The following BLTP1 variants were observed in gnomAD, a reference collection of about 807,000 sequenced individuals.
BLTP1 encodes the protein fragile site-associated protein.
the BLTP1 span, chr4:122,270,946 A>C: frequency 2.7e-6 from 4 of 1,461,774 alleles, no homozygotes; most frequent in African/African-American, 4.3e-5. Flanking sequence ...TTTTGCCTAT[A>C]AATTAATAAA....
the BLTP1 span, chr4:122,331,706 T>C: frequency 1.0e-5 from 10 of 979,586 alleles, no homozygotes; most frequent in African/African-American, 1.4e-4. Context: ...CAGTTTCTTA[T>C]AAACAAGTGC....
the BLTP1 span, among the ~76,000 whole-genome samples, chr4:122,275,331 G>A: frequency 6.6e-6 from 1 of 152,076 alleles, no homozygotes; most frequent in African/African-American, 2.4e-5. Flanking sequence ...ATAAATTGAG[G>A]TTCAGAAAGA....
the BLTP1 span, among the ~76,000 whole-genome samples, chr4:122,221,566 CT>C: frequency 6.6e-6 from 1 of 151,940 alleles, no homozygotes; most frequent in Non-Finnish European, 1.5e-5. Flanking sequence ...AGTTCTAGGT[CT>C]TCTTATCATG....
At chr4:122,183,114 T>C in the BLTP1 span, 1 of 718,358 alleles carries the variant, frequency 1.4e-6, no homozygotes, top group Non-Finnish European at 1.7e-6. Flanking sequence ...AGTGGGAGGA[T>C]TGCTTGAGCC....
the BLTP1 span, chr4:122,259,734 C>T: frequency 6.5e-6 from 1 of 153,184 alleles, no homozygotes; most frequent in South Asian, 2.1e-4. Context: ...GTGGCAGGCG[C>T]CTGTAATCCC....
the BLTP1 span, among the ~76,000 whole-genome samples, chr4:122,360,414 GT>G: frequency 2.0e-5 from 3 of 151,598 alleles, no homozygotes; most frequent in East Asian, 1.9e-4. Flanking sequence ...CAGCCTTCCT[GT>G]TTTTTTTCCT....
chr4:122,280,029 A>G, the BLTP1 span: 2 of 1,610,426 alleles, frequency 1.2e-6, no homozygotes. Flanking sequence ...ATACTACCTC[A>G]GGGTATTCTT....
chr4:122,359,906 A>T, the BLTP1 span: 3 of 985,404 alleles, frequency 3.0e-6, no homozygotes, highest in Non-Finnish European at 3.6e-6. Flanking sequence ...GGTAAGGCGA[A>T]TGAAGTACAA....
chr4:122,340,857 G>GA, the BLTP1 span: 22,086 of 919,084 alleles, frequency 0.024, 615 homozygotes, highest in East Asian at 0.21. Context: ...AAGGTGAAAT[G>GA]AAAATGAGAA....
the BLTP1 span, chr4:122,272,134 T>C: frequency 6.9e-6 from 11 of 1,596,310 alleles, no homozygotes; most frequent in Non-Finnish European, 9.4e-6. Flanking sequence ...GTATCTAAAA[T>C]TGTATATTTT....
chr4:122,243,762 G>A, the BLTP1 span: 4 of 1,332,198 alleles, frequency 3.0e-6, no homozygotes, highest in East Asian at 8.5e-5. Flanking sequence ...ATTTTTAGTT[G>A]TAATGAATGC....
At chr4:122,324,318 TC>T in the BLTP1 span, 1 of 1,121,928 alleles carries the variant, frequency 8.9e-7, no homozygotes, top group Non-Finnish European at 1.2e-6. Flanking sequence ...AACATTAAAG[TC>T]CCCTGGGGAA....
the BLTP1 span, chr4:122,210,753 C>T: frequency 9.0e-7 from 1 of 1,110,142 alleles, no homozygotes; most frequent in Non-Finnish European, 1.2e-6. Flanking sequence ...ATTATATATA[C>T]ATTATGTAAA....
the BLTP1 span, among the ~76,000 whole-genome samples, chr4:122,176,302 CAAA>C: frequency 7.3e-6 from 1 of 137,312 alleles, no homozygotes; most frequent in East Asian, 2.1e-4. Context: ...TACTCTGTCT[CAAA>C]AAAAAAAGAA....
the BLTP1 span, among the ~76,000 whole-genome samples, chr4:122,323,496 A>G: frequency 1.3e-5 from 2 of 151,982 alleles, no homozygotes; most frequent in South Asian, 4.2e-4. Flanking sequence ...AACACATGAA[A>G]AACATATTAA....
At chr4:122,289,531 G>T in the BLTP1 span, 1 of 984,128 alleles carries the variant, frequency 1.0e-6, no homozygotes, top group Admixed American at 6.2e-5. Context: ...TCAACCTTTT[G>T]TCTATACCAG....
the BLTP1 span, among the ~76,000 whole-genome samples, chr4:122,334,087 AC>A: frequency 6.6e-6 from 1 of 152,078 alleles, no homozygotes; most frequent in Non-Finnish European, 1.5e-5. Context: ...ACTTCATTAA[AC>A]AACAGTTTTT....
chr4:122,281,199 G>A, the BLTP1 span: 2 of 514,744 alleles, frequency 3.9e-6, no homozygotes, highest in Non-Finnish European at 5.0e-6. Context: ...TAGTAGTAAT[G>A]TCAATAATAT....
At chr4:122,175,447 AT>A in the BLTP1 span, among the ~76,000 whole-genome samples, 2 of 152,002 alleles carry the variant, frequency 1.3e-5, no homozygotes, top group African/African-American at 2.4e-5. Context: ...TTGTTACATA[AT>A]TTTTTTCCCT....
Sources: gnomAD v4.1 joint callset for allele counts (sites outside exome capture counted in the v4.1 genomes callset) on GRCh38, gnomAD v4.1.1 for gene constraint, MANE v1.5 for transcripts, NCBI Gene and HGNC (gene_info 2026-07-23, HGNC 2026-07-21) for gene names.